The following HMBOX1 variants were observed in gnomAD, a reference collection of about 807,000 sequenced individuals.
The protein encoded by HMBOX1 is homeobox-containing protein 1.
HMBOX1 carries 14 observed loss-of-function variants against 54.5 expected under a neutral mutation model. The observed-to-expected ratio is 0.26, with a 90% CI of 0.17 to 0.40. The LOEUF is 0.40. Among genes scored for constraint, HMBOX1 ranks in the 10% least tolerant of loss-of-function variants. The pLI is 1.00. For missense variants in HMBOX1, 332 were observed against 514.4 expected, an observed-to-expected ratio of 0.65 and a Z score of 3.43; for synonymous variants, 160 against 181.0, an observed-to-expected ratio of 0.88 and a Z score of 0.93.
Position 28,910,456 on chromosome 8 carries a change from C to G in HMBOX1, c.-58+19778C>G, listed in dbSNP as rs116713469. Among the ~76,000 whole-genome samples, 505 of 152,188 alleles carry G rather than the reference C, an allele frequency of 3.3e-3. 3 individuals carry two copies. The highest frequency in any genetic ancestry group is 0.011 in the African/African-American group (469 of 41,510). On this transcript the variant is annotated intron_variant, in intron 1 of 9. Coordinates refer to ENST00000287701, the MANE Select transcript of HMBOX1 (RefSeq NM_001135726.3). ...GTGGTATTGTTGGCTTGCATGGTAT[C>G]TATGTTTAGCTTTTTAAGAAACTGC...
At chr8:28,993,719 T>A (rs887135333) in intron 4 of HMBOX1, among the ~76,000 whole-genome samples, 3 of 152,238 alleles carry the variant, frequency 2.0e-5, no homozygotes, top group Admixed American at 1.3e-4. Flanking sequence ...CAATAATCTG[T>A]ACCGGCCAGA....
At chr8:29,025,871 C>A (rs147365239) in intron 6 of HMBOX1, among the ~76,000 whole-genome samples, 358 of 152,140 alleles carry the variant, frequency 2.4e-3, no homozygotes, top group African/African-American at 8.2e-3. Flanking sequence ...TAATACTATA[C>A]CTTTCTGGTT....
intron 6 of HMBOX1, among the ~76,000 whole-genome samples, chr8:29,033,391 TAGAC>T (rs1803325847): frequency 1.3e-5 from 2 of 152,282 alleles, no homozygotes; most frequent in South Asian, 4.1e-4. Context: ...AACATTTAAA[TAGAC>T]AGCAGGAGCC....
At chr8:29,004,675 T>C (rs1413657966) in intron 4 of HMBOX1, among the ~76,000 whole-genome samples, 1 of 152,178 alleles carries the variant, frequency 6.6e-6, no homozygotes. Context: ...AGGTTATATG[T>C]AAATTTTTTC....
rs979242132 is a variant in HMBOX1 at position 28,903,553 on chromosome 8, T to C, written c.-58+12875T>C. On this transcript the variant is annotated intron_variant, in intron 1 of 9. Coordinates refer to ENST00000287701, the MANE Select transcript of HMBOX1 (RefSeq NM_001135726.3). ...CTTGCTCCAACCTCCTCAATAATCC[T>C]GTGCTTCTGTCTTGATCTCAGCAAA... 2.6e-5 allele frequency among the ~76,000 whole-genome samples: 4 copies of C among 152,210 alleles called. No individual in the cohort carries two copies. The South Asian group carries it at 8.3e-4, about 32-fold the overall frequency.
chr8:28,947,229 T>G (rs1822628265), intron 1 of HMBOX1, among the ~76,000 whole-genome samples: 1 of 152,212 alleles, frequency 6.6e-6, no homozygotes, highest in Non-Finnish European at 1.5e-5. Context: ...CTCTGAGGAA[T>G]TCAGAGAAAT....
intron 1 of HMBOX1, among the ~76,000 whole-genome samples, chr8:28,899,025 A>G (rs559135707): frequency 1.3e-5 from 2 of 152,230 alleles, no homozygotes; most frequent in Non-Finnish European, 2.9e-5. Context: ...ATACAAAGAT[A>G]GGTTGGATTT....
chr8:28,937,546 A>G (rs1233704133), intron 1 of HMBOX1, among the ~76,000 whole-genome samples: 1 of 152,216 alleles, frequency 6.6e-6, no homozygotes, highest in African/African-American at 2.4e-5. Context: ...AATCTTGGGA[A>G]GTATTCTTAG....
intron 1 of HMBOX1, among the ~76,000 whole-genome samples, chr8:28,934,677 G>A (rs1260315110): frequency 2.6e-5 from 4 of 152,288 alleles, no homozygotes; most frequent in African/African-American, 9.6e-5. Flanking sequence ...TGTAATTCCA[G>A]CACTTTGGGA....
intron 1 of HMBOX1, among the ~76,000 whole-genome samples, chr8:28,917,088 A>T (rs1294503094): frequency 1.3e-5 from 2 of 151,734 alleles, no homozygotes; most frequent in Admixed American, 6.6e-5. Flanking sequence ...AAAAAAAAGA[A>T]TTACCTTGTT....
At chr8:29,014,710 C>T (rs970022912) in intron 5 of HMBOX1, among the ~76,000 whole-genome samples, 1 of 152,112 alleles carries the variant, frequency 6.6e-6, no homozygotes, top group Non-Finnish European at 1.5e-5. Context: ...GATGGAGTAT[C>T]ACTCTGTCGC....
chr8:29,001,451 G>A (rs1480140351), intron 4 of HMBOX1, among the ~76,000 whole-genome samples: 1 of 152,166 alleles, frequency 6.6e-6, no homozygotes, highest in African/African-American at 2.4e-5. Context: ...TCAGGAGACT[G>A]AGGCAGGAGA....
intron 1 of HMBOX1, among the ~76,000 whole-genome samples, chr8:28,948,356 A>G (rs888976382): frequency 1.3e-5 from 2 of 152,230 alleles, no homozygotes; most frequent in Non-Finnish European, 2.9e-5. Flanking sequence ...TGCTGAGTGC[A>G]TAAATGAATG....
chr8:28,958,534 C>T (rs1824882625), intron 1 of HMBOX1, among the ~76,000 whole-genome samples: 1 of 152,130 alleles, frequency 6.6e-6, no homozygotes, highest in Admixed American at 6.5e-5. Context: ...AAAAAAGCTT[C>T]CTATGAACAG....
chr8:28,900,291 T>TATATATATA (rs1554519282), intron 1 of HMBOX1, among the ~76,000 whole-genome samples: 5 of 143,638 alleles, frequency 3.5e-5, no homozygotes, highest in East Asian at 2.0e-4. Flanking sequence ...TATATATATA[T>TATATATATA]TTTGTTTCCT....
chr8:29,015,936 C>G (rs1327430091), intron 5 of HMBOX1, among the ~76,000 whole-genome samples: 1 of 152,142 alleles, frequency 6.6e-6, no homozygotes, highest in Non-Finnish European at 1.5e-5. Context: ...GTATAATTTG[C>G]CAACTCTGTT....
Position 28,973,755 on chromosome 8 carries a change from G to A in HMBOX1, c.500+3236G>A, listed in dbSNP as rs1370729469. 2.1e-5 allele frequency among the ~76,000 whole-genome samples: 3 copies of A among 142,260 alleles called. No homozygotes were observed. The East Asian group carries it at 6.4e-4, about 30-fold the overall frequency. 93.3% of individuals were successfully genotyped at this position (142,260 alleles called of 152,430 possible). A position where few individuals can be genotyped will look rare whatever the true frequency, so the allele number is the denominator to read the frequency against. On this transcript the variant is annotated intron_variant, in intron 3 of 9. Transcript: ENST00000287701. ...TGTAGTTTTAAAAATCTTATAATTC[G>A]TTGACTTCACGAACTTCACTCCTAA...
At chr8:29,000,273 T>G (rs989618536) in intron 4 of HMBOX1, among the ~76,000 whole-genome samples, 1 of 152,220 alleles carries the variant, frequency 6.6e-6, no homozygotes. Flanking sequence ...CTTATAATTC[T>G]GCGTAAACCT....
intron 6 of HMBOX1, 65 bp downstream of exon 6, chr8:29,018,978 C>G: frequency 6.8e-7 from 1 of 1,461,800 alleles, no homozygotes; most frequent in South Asian, 1.2e-5. Flanking sequence ...TCTGGATAGA[C>G]TGGGACAGTT....
Sources: allele counts gnomAD v4.1 joint callset (sites outside exome capture counted in the v4.1 genomes callset), GRCh38; gene constraint gnomAD v4.1.1; transcripts MANE v1.5; gene names NCBI Gene and HGNC (gene_info 2026-07-23, HGNC 2026-07-21).